Variants in ARL10 observed in about 807,000 individuals in gnomAD.
The protein encoded by ARL10 is ADP-ribosylation factor-like protein 10.
A neutral mutation model predicts 26.1 loss-of-function variants in ARL10; 23 were observed. The ratio of observed to expected loss-of-function variants is 0.88; its 90% CI spans 0.63 to 1.25. ARL10 has a LOEUF of 1.25. Ranked by LOEUF, ARL10 falls within the 50% of genes most tolerant of loss-of-function variation. The pLI is 0.00. For synonymous variants in ARL10, 138 were observed against 149.1 expected (o/e 0.93, Z 0.54); for missense variants, 300 against 323.6 (o/e 0.93, Z 0.56).
At chr5:176,408,858 G>A in the ARL10 span, among the ~76,000 whole-genome samples, 2 of 152,202 alleles carry the variant, frequency 1.3e-5, no homozygotes, top group Non-Finnish European at 2.9e-5. Flanking sequence ...AACACTTAAA[G>A]AATTTGTAAA....
At chr5:176,414,009 A>G in the ARL10 span, among the ~76,000 whole-genome samples, 2 of 152,134 alleles carry the variant, frequency 1.3e-5, no homozygotes, top group Admixed American at 6.5e-5. Flanking sequence ...TGCCATCCAG[A>G]CTGTAAGTCC....
rs1561775805 is a variant in ARL10 at position 176,375,159 on chromosome 5, TCCATCCACCCACCCAC to T, written c.*3268_*3283del. ...GTCCACCCATCCACCCACCCACCCATCCATCCACCCACCCACCCACCCATCCACCCATCCATCCATC... is the reference window on the plus strand; with the variant it reads ...GTCCACCCATCCACCCACCCACCCATCCACCCATCCACCCATCCATCCATC... On this transcript the variant is annotated 3_prime_UTR_variant, in exon 4 of 4. Coordinates refer to ENST00000310389, the MANE Select transcript of ARL10 (RefSeq NM_173664.6). The T allele has an allele frequency of 2.6e-5, 1 of 38,738 alleles. No homozygotes were observed. The highest frequency in any genetic ancestry group is 5.2e-5 in the Non-Finnish European group (1 of 19,196). The allele number at this position is 38,738 out of a possible 1,614,324, so 2.4% of individuals were successfully genotyped here.
Position 176,366,480 on chromosome 5 carries a change from G to A in ARL10, c.284G>A (p.Arg95His). The A allele has an allele frequency of 1.2e-6, 2 of 1,614,032 alleles. No individual in the cohort carries two copies. Among genetic ancestry groups the A allele is most frequent in the African/African-American group, 1.3e-5 (1 of 75,070 alleles). ...GGCGCAGGCAAGAGCACGTTCCTGC[G>A]CGTGTTGTCGGGGAAGCCACCGCTG... ...LDGAGKSTFL[R>H]VLSGKPPLEG... The change falls in exon 2 of 4, where the codon CGC becomes CAC. Residue 95 changes from arginine to histidine, a missense_variant. Coordinates refer to ENST00000310389, the MANE Select transcript of ARL10 (RefSeq NM_173664.6).
chr5:176,376,217 C>G lies in ARL10; in HGVS notation c.*4322C>G, dbSNP rs1768691032. 6.6e-6 allele frequency: 1 copy of G among 152,104 alleles called. No homozygotes were observed. The highest frequency in any genetic ancestry group is 2.1e-4 in the South Asian group (1 of 4,822). The allele number at this position is 152,104 out of a possible 1,614,324, so 9.4% of individuals were successfully genotyped here. ...TCTACTATAAAATACAAAAAATCAGCTGGGTGTGACGGCATGCGCCTGTAG... is the reference window on the plus strand; with the variant it reads ...TCTACTATAAAATACAAAAAATCAGGTGGGTGTGACGGCATGCGCCTGTAG... On this transcript the variant is annotated 3_prime_UTR_variant, in exon 4 of 4. Transcript: ENST00000310389.
At chr5:176,414,556 C>A in the ARL10 span, among the ~76,000 whole-genome samples, 8 of 152,020 alleles carry the variant, frequency 5.3e-5, no homozygotes, top group Admixed American at 1.3e-4. Context: ...CTGCCTCAGC[C>A]TTCCCGAGCA....
Position 176,397,598 on chromosome 5 carries a change from C to G in ARL10, c.134-4143C>G, listed in dbSNP as rs1224255190. On this transcript the variant is annotated intron_variant, in intron 1 of 1. Transcript: ENST00000514533. ...CCATGGCCCCCTCATGTCCCTACAG[C>G]CCTCTCACCGGTTGTTGATCTTGTT... 2.5e-6 allele frequency: 4 copies of G among 1,586,888 alleles called. No homozygotes were observed. In the African/African-American group the frequency reaches 4.2e-5, roughly 16 times the overall value.
At position 176,398,525 on chromosome 5, in the gene ARL10, A is replaced by T. The variant is rs1002107761; in HGVS notation, c.134-3216A>T. ...TGGGAGTTCAAGACCAGCCTGACCAACATGGAGAAATCCCGACTCTACTAA... is the reference window on the plus strand; with the variant it reads ...TGGGAGTTCAAGACCAGCCTGACCATCATGGAGAAATCCCGACTCTACTAA... On this transcript the variant is annotated intron_variant, in intron 1 of 1. Coordinates refer to the ARL10 transcript ENST00000514533. Among the ~76,000 whole-genome samples, 10 of 152,050 alleles carry T rather than the reference A, an allele frequency of 6.6e-5. 1 individual carries two copies. The highest frequency in any genetic ancestry group is 6.6e-5 in the Admixed American group (1 of 15,250).
chr5:176,399,956 C>G (rs757228895), intron 1 of ARL10, among the ~76,000 whole-genome samples: 2 of 151,654 alleles, frequency 1.3e-5, no homozygotes, highest in African/African-American at 4.8e-5. Context: ...CTTTGGGAGG[C>G]CAAGGTGGGT....
intron 3 of ARL10, among the ~76,000 whole-genome samples, chr5:176,371,026 A>G (rs548428314): frequency 6.6e-6 from 1 of 152,322 alleles, no homozygotes; most frequent in Admixed American, 6.5e-5. Flanking sequence ...GACTGTGAAC[A>G]TTAAATAAGC....
At chr5:176,366,625 C>T (rs1319032513) in intron 2 of ARL10, 44 bp downstream of exon 2, 1 of 1,604,412 alleles carries the variant, frequency 6.2e-7, no homozygotes, top group Non-Finnish European at 8.5e-7. Flanking sequence ...CTCTACTGGA[C>T]CAGTCCTGGA....
chr5:176,413,714 C>A, the ARL10 span, among the ~76,000 whole-genome samples: 1 of 152,216 alleles, frequency 6.6e-6, no homozygotes, highest in African/African-American at 2.4e-5. Context: ...CATCCCTGGT[C>A]AGGGGAAGAT....
At chr5:176,405,403 C>G (rs1757050520), downstream of ARL10, among the ~76,000 whole-genome samples, 1 of 148,620 alleles carries the variant, frequency 6.7e-6, no homozygotes, top group South Asian at 2.1e-4. Flanking sequence ...GCAGGAGGAT[C>G]ACTTAAGCCC....
the ARL10 span, among the ~76,000 whole-genome samples, chr5:176,409,384 A>G: frequency 1.4e-5 from 2 of 148,078 alleles, no homozygotes; most frequent in Non-Finnish European, 1.5e-5. Flanking sequence ...TTTTCACGTC[A>G]ATACAGGAAG....
At chr5:176,384,518 G>T, downstream of ARL10, 1 of 772,658 alleles carries the variant, frequency 1.3e-6, no homozygotes, top group Non-Finnish European at 2.1e-6. Flanking sequence ...CGGGCACAGT[G>T]GCTCATGCCT....
downstream of ARL10, chr5:176,392,908 C>T: frequency 1.2e-6 from 2 of 1,614,202 alleles, no homozygotes; most frequent in Non-Finnish European, 1.7e-6. The surrounding 1 kb of genome is among the most constrained non-coding windows in gnomAD (Gnocchi z 5.2). Context: ...CCTGGGGTCT[C>T]CTCCTTGGAT....
rs1768658528 is a variant in ARL10 at position 176,375,207 on chromosome 5, C to CCCA, written c.*3312_*3313insCCA. ...ATCCACCCATCCATCCATCCATCCACTCATCCACCCATCCACCCATCCATC... is the reference window on the plus strand; with the variant it reads ...ATCCACCCATCCATCCATCCATCCACCCATCATCCACCCATCCACCCATCCATC... On this transcript the variant is annotated 3_prime_UTR_variant, in exon 4 of 4. Coordinates refer to ENST00000310389, the MANE Select transcript of ARL10 (RefSeq NM_173664.6). 1 of 94,944 alleles carries CCCA rather than the reference C, an allele frequency of 1.1e-5. No homozygotes were observed. Among genetic ancestry groups the CCCA allele is most frequent in the Admixed American group, 1.1e-4 (1 of 8,928 alleles). 5.9% of individuals were successfully genotyped at this position (94,944 alleles called of 1,614,324 possible).
At chr5:176,402,687 T>C (rs1221308642), downstream of ARL10, among the ~76,000 whole-genome samples, 2 of 152,190 alleles carry the variant, frequency 1.3e-5, no homozygotes, top group East Asian at 1.9e-4. Context: ...AATTCATAGA[T>C]GTTCAGGCTT....
At chr5:176,367,865 C>G in intron 2 of ARL10, 1 of 511,042 alleles carries the variant, frequency 2.0e-6, no homozygotes, top group Admixed American at 2.2e-5. Flanking sequence ...GTGTTGATGT[C>G]ATTGCCATGT....
Position 176,365,549 on chromosome 5 carries a change from C to T in ARL10, c.-15C>T, listed in dbSNP as rs770246573. On this transcript the variant is annotated 5_prime_UTR_variant, in exon 1 of 4. Coordinates refer to ENST00000310389, the MANE Select transcript of ARL10 (RefSeq NM_173664.6). ...CGGCCTGTGCAACCCGCACCTGCGT[C>T]CCTCGCCCGGCCCGATGGCGCCGCG... 5 of 1,227,748 alleles carry T rather than the reference C, an allele frequency of 4.1e-6. No individual in the cohort carries two copies. The highest frequency in any genetic ancestry group is 1.6e-5 in the African/African-American group (1 of 63,978). 76.1% of individuals were successfully genotyped at this position (1,227,748 alleles called of 1,614,324 possible).
Sources: gnomAD v4.1 joint callset for allele counts (sites outside exome capture counted in the v4.1 genomes callset) on GRCh38, gnomAD v4.1.1 for gene constraint, Gnocchi (gnomAD v3.1) non-coding constraint, MANE v1.5 for transcripts, NCBI Gene and HGNC (gene_info 2026-07-23, HGNC 2026-07-21) for gene names.